PCDH9: variants seen among roughly 807,000 people sequenced by gnomAD.
PCDH9 encodes protocadherin 9, also known as protocadherin-9.
A neutral mutation model predicts 70.6 loss-of-function variants in PCDH9; 24 were observed. The ratio of observed to expected loss-of-function variants is 0.34; its 90% CI spans 0.25 to 0.48. The LOEUF is 0.48. Among genes scored for constraint, PCDH9 ranks in the 20% least tolerant of loss-of-function variants. The probability of loss-of-function intolerance (pLI) is 0.99; values close to 1 mark genes in which losing one functional copy is unlikely to be tolerated. For missense variants in PCDH9, 1,281 were observed against 1,503.6 expected (o/e 0.85, Z 2.45); for synonymous variants, 562 against 558.5 (o/e 1.01, Z -0.09).
intron 2 of PCDH9, among the ~76,000 whole-genome samples, chr13:67,070,835 G>A (rs1478208748): frequency 2.6e-5 from 4 of 151,888 alleles, no homozygotes; most frequent in Non-Finnish European, 5.9e-5. Context: ...TGAAAACATT[G>A]GTACTCACAG....
chr13:66,431,857 T>C (rs1478576048), intron 4 of PCDH9, among the ~76,000 whole-genome samples: 4 of 152,032 alleles, frequency 2.6e-5, no homozygotes, highest in Non-Finnish European at 4.4e-5. Context: ...CTCATCATTC[T>C]CTTTGATATG....
intron 2 of PCDH9, among the ~76,000 whole-genome samples, chr13:67,192,353 T>A (rs1373932607): frequency 6.6e-6 from 1 of 152,170 alleles, no homozygotes; most frequent in Non-Finnish European, 1.5e-5. Flanking sequence ...TGACTTAAAC[T>A]TATTTGAGAC....
At chr13:66,846,136 CAAAA>C (rs56199120) in intron 3 of PCDH9, among the ~76,000 whole-genome samples, 3 of 134,520 alleles carry the variant, frequency 2.2e-5, no homozygotes, top group Non-Finnish European at 4.6e-5. Flanking sequence ...AAAAAAAGAC[CAAAA>C]AAAAAAAAAA....
chr13:67,221,038 T>C (rs868041932), intron 2 of PCDH9: 2 of 152,082 alleles, frequency 1.3e-5, no homozygotes, highest in Middle Eastern at 3.2e-3. Flanking sequence ...TTCATGACCA[T>C]AGGGCACTTA....
chr13:66,568,725 T>A (rs747200275), intron 4 of PCDH9, among the ~76,000 whole-genome samples: 16 of 150,346 alleles, frequency 1.1e-4, no homozygotes, highest in Non-Finnish European at 1.6e-4. Context: ...GTAATCCAGA[T>A]GTCACTTTAA....
intron 2 of PCDH9, among the ~76,000 whole-genome samples, chr13:67,103,065 C>A (rs1467360440): frequency 1.3e-5 from 2 of 151,962 alleles, no homozygotes; most frequent in Non-Finnish European, 2.9e-5. Flanking sequence ...AATAAAATAG[C>A]TCTGCTACAC....
chr13:67,144,556 A>G (rs2087474581), intron 2 of PCDH9, among the ~76,000 whole-genome samples: 1 of 152,166 alleles, frequency 6.6e-6, no homozygotes, highest in African/African-American at 2.4e-5. Context: ...AAAACATTAG[A>G]TACTTGCTAA....
intron 3 of PCDH9, among the ~76,000 whole-genome samples, chr13:66,737,292 G>A (rs1449459025): frequency 6.6e-6 from 1 of 152,124 alleles, no homozygotes; most frequent in Non-Finnish European, 1.5e-5. Flanking sequence ...ATTTAAGGTT[G>A]ATAAATTTAG....
At chr13:66,936,672 A>T (rs376741287) in intron 2 of PCDH9, among the ~76,000 whole-genome samples, 9 of 152,310 alleles carry the variant, frequency 5.9e-5, no homozygotes, top group African/African-American at 2.2e-4. Context: ...TCATTGAGAA[A>T]TGCACATTAA....
At chr13:66,873,928 T>TC (rs1016999123) in intron 3 of PCDH9, among the ~76,000 whole-genome samples, 2 of 140,298 alleles carry the variant, frequency 1.4e-5, no homozygotes, top group African/African-American at 5.4e-5. Flanking sequence ...CTTTTTTTTT[T>TC]TTTCTTTCTT....
rs974717253 is a variant in PCDH9, at chr13:67,180,202, C to T, written c.3036+45203G>A. Among the ~76,000 whole-genome samples the T allele has an allele frequency of 2.0e-5, 3 of 152,148 alleles. No homozygotes were observed. In the East Asian group the frequency reaches 5.8e-4, roughly 29 times the overall value. ...TATCCTAGAAGATCAGTTTTATCTC[C>T]TTAATTATGTATATTTTCTGCTTTA... On this transcript the variant is annotated intron_variant, in intron 2 of 4. Coordinates refer to ENST00000377865, the MANE Select transcript of PCDH9 (RefSeq NM_203487.3).
intron 4 of PCDH9, among the ~76,000 whole-genome samples, chr13:66,622,186 G>A (rs1051682585): frequency 6.6e-6 from 1 of 152,232 alleles, no homozygotes. Context: ...GCCTCCCTGC[G>A]GGACAGGGCT....
chr13:66,806,382 A>G (rs61265110), intron 3 of PCDH9, among the ~76,000 whole-genome samples: 1 of 152,258 alleles, frequency 6.6e-6, no homozygotes, highest in East Asian at 1.9e-4. Context: ...ATATACAATC[A>G]TCTCTTGCTG....
intron 3 of PCDH9, among the ~76,000 whole-genome samples, chr13:66,874,956 A>T (rs1430770561): frequency 6.7e-6 from 1 of 148,514 alleles, no homozygotes; most frequent in African/African-American, 2.6e-5. Flanking sequence ...AGAGAGAGAG[A>T]GAGAGAGACA....
chr13:67,077,258 T>A (rs758186029), intron 2 of PCDH9, among the ~76,000 whole-genome samples: 10 of 152,240 alleles, frequency 6.6e-5, no homozygotes, highest in Non-Finnish European at 1.0e-4. Flanking sequence ...TCTCCAAATC[T>A]CTGGCCCCTT....
chr13:66,708,611 C>G (rs1432578073), intron 3 of PCDH9, among the ~76,000 whole-genome samples: 1 of 152,046 alleles, frequency 6.6e-6, no homozygotes, highest in Non-Finnish European at 1.5e-5. Context: ...TAAAAAAGAG[C>G]TGTAAATATG....
At chr13:66,544,179 A>G (rs1416869111) in intron 4 of PCDH9, among the ~76,000 whole-genome samples, 2 of 152,082 alleles carry the variant, frequency 1.3e-5, no homozygotes, top group African/African-American at 2.4e-5. Context: ...GGATCTCTCT[A>G]TTTTGCTAAT....
chr13:66,338,422 A>G (rs1956072862), intron 4 of PCDH9, among the ~76,000 whole-genome samples: 1 of 152,106 alleles, frequency 6.6e-6, no homozygotes, highest in Admixed American at 6.6e-5. Flanking sequence ...AAATTTTATG[A>G]TGGCAAGAAA....
chr13:66,613,298 T>C (rs1012125234), intron 4 of PCDH9, among the ~76,000 whole-genome samples: 2 of 152,216 alleles, frequency 1.3e-5, no homozygotes, highest in African/African-American at 4.8e-5. Flanking sequence ...CTTAAACTTA[T>C]CTCCCTGGTG....
Sources: gnomAD v4.1 joint callset for allele counts (sites outside exome capture counted in the v4.1 genomes callset) on GRCh38, gnomAD v4.1.1 for gene constraint, MANE v1.5 for transcripts, NCBI Gene and HGNC (gene_info 2026-07-23, HGNC 2026-07-21) for gene names.